Variants in ADAMTSL3 observed in about 807,000 individuals in gnomAD.
ADAMTSL3 encodes ADAMTS like 3.
A neutral mutation model predicts 201.7 loss-of-function variants in ADAMTSL3; 128 were observed. That is an observed-to-expected ratio of 0.63 (90% CI 0.55 to 0.73). ADAMTSL3 has a LOEUF of 0.73. Ranked by LOEUF, ADAMTSL3 falls within the 30% of genes least tolerant of loss-of-function variation. The probability of loss-of-function intolerance (pLI) is 0.00; values close to 1 mark genes in which losing one functional copy is unlikely to be tolerated. For missense variants in ADAMTSL3, 1,990 were observed against 2,119.6 expected (o/e 0.94, Z 1.20); for synonymous variants, 738 against 748.4 (o/e 0.99, Z 0.23).
chr15:83,890,201 C>G lies in ADAMTSL3; in HGVS notation c.1165C>G (p.Pro389Ala). The G allele has an allele frequency of 3.7e-6, 6 of 1,613,976 alleles. No homozygotes were observed. The highest frequency in any genetic ancestry group is 5.1e-6 in the Non-Finnish European group (6 of 1,179,898). ...TCACTACTACCCTGAAAATGTAAAA[C>G]CAAAACCAAAACTGAAGGAATGCAG... ...YCHYYPENVK[P>A]KPKLKECSMD... Residue 389 changes from proline to alanine, a missense_variant, in exon 11 of 30, where the codon CCA becomes GCA. Pro to Ala is a conservative substitution (Grantham distance 27). Transcript: ENST00000286744.
chr15:83,929,698 A>ACG (rs1464384802), intron 17 of ADAMTSL3, among the ~76,000 whole-genome samples: 1 of 150,524 alleles, frequency 6.6e-6, no homozygotes, highest in African/African-American at 2.5e-5. Flanking sequence ...ACACACACAC[A>ACG]CAGAGAGAGA....
At chr15:83,950,498 G>T (rs2066737392) in intron 19 of ADAMTSL3, among the ~76,000 whole-genome samples, 1 of 151,840 alleles carries the variant, frequency 6.6e-6, no homozygotes, top group African/African-American at 2.4e-5. Context: ...TGGGTCTTTT[G>T]TTGTTCTTTA....
At chr15:83,989,073 G>A (rs959487582) in intron 22 of ADAMTSL3, among the ~76,000 whole-genome samples, 3 of 151,744 alleles carry the variant, frequency 2.0e-5, no homozygotes, top group African/African-American at 7.3e-5. Context: ...TAGTAGAGAC[G>A]GGGTTTCACC....
chr15:83,833,137 A>G (rs2064191536), intron 6 of ADAMTSL3, among the ~76,000 whole-genome samples: 1 of 152,206 alleles, frequency 6.6e-6, no homozygotes, highest in African/African-American at 2.4e-5. Context: ...GTTGATAAGG[A>G]AACTGGAAAT....
In ADAMTSL3 at chr15:83,739,512, A is replaced by G. The variant is rs527932242; in HGVS notation, c.190-34011A>G. 9.9e-4 allele frequency among the ~76,000 whole-genome samples: 151 copies of G among 151,790 alleles called. 1 individual carries two copies. The highest frequency in any genetic ancestry group is 2.0e-3 in the Non-Finnish European group (133 of 67,972). The stretch of plus-strand genomic sequence containing the variant: ...TTCAGCCTATGTTTATAAGATATAC[A>G]TGAAACATAAATGAATTTCATGTTT... On this transcript the variant is annotated intron_variant, in intron 3 of 29. Coordinates refer to ENST00000286744, the MANE Select transcript of ADAMTSL3 (RefSeq NM_207517.3).
intron 3 of ADAMTSL3, among the ~76,000 whole-genome samples, chr15:83,718,874 C>T (rs945123613): frequency 1.3e-5 from 2 of 152,104 alleles, no homozygotes; most frequent in South Asian, 4.2e-4. Context: ...AAGGAAAAAA[C>T]CCAAATATTC....
intron 3 of ADAMTSL3, among the ~76,000 whole-genome samples, chr15:83,769,600 A>C (rs1394005607): frequency 2.0e-5 from 3 of 152,166 alleles, no homozygotes; most frequent in African/African-American, 7.2e-5. Context: ...TGTTACTGAA[A>C]TATTGCCTCT....
intron 23 of ADAMTSL3, among the ~76,000 whole-genome samples, chr15:84,010,108 G>A (rs1317482215): frequency 6.6e-6 from 1 of 152,216 alleles, no homozygotes; most frequent in Non-Finnish European, 1.5e-5. Flanking sequence ...GAAATGTTCA[G>A]TCATTTAAGC....
At chr15:83,834,148 T>C (rs890819270) in intron 6 of ADAMTSL3, among the ~76,000 whole-genome samples, 1 of 152,222 alleles carries the variant, frequency 6.6e-6, no homozygotes, top group African/African-American at 2.4e-5. Flanking sequence ...TTAGAACGTC[T>C]CGGAGACTCA....
chr15:83,772,902 G>A (rs976409028), intron 3 of ADAMTSL3, among the ~76,000 whole-genome samples: 6 of 151,926 alleles, frequency 3.9e-5, no homozygotes, highest in African/African-American at 1.2e-4. Flanking sequence ...CGTGGTTTAG[G>A]CTCAAGCAGG....
At chr15:83,903,917 CAAAAAAAAAA>C (rs1168502648) in intron 15 of ADAMTSL3, among the ~76,000 whole-genome samples, 224 of 19,290 alleles carry the variant, frequency 0.012, 10 homozygotes, top group South Asian at 0.042. Flanking sequence ...GACTCCACAT[CAAAAAAAAAA>C]AAAAAAAAAA....
At position 83,801,651 on chromosome 15, in the gene ADAMTSL3, AATATATATAT is replaced by A. The variant is rs68098545; in HGVS notation, c.318-2964_318-2955del. 6.4e-4 allele frequency among the ~76,000 whole-genome samples: 20 copies of A among 31,276 alleles called. 1 individual carries two copies. The highest frequency in any genetic ancestry group is 8.7e-4 in the Non-Finnish European group (13 of 14,978). The allele number at this position is 31,276 out of a possible 152,430, so 20.5% of individuals were successfully genotyped here. The stretch of plus-strand genomic sequence containing the variant: ...TTATATATATAAATATATAAATATA[AATATATATAT>A]ATATATATATATATATATATATATA... On this transcript the variant is annotated intron_variant, in intron 4 of 29. Coordinates refer to ENST00000286744, the MANE Select transcript of ADAMTSL3 (RefSeq NM_207517.3).
chr15:84,032,739 C>T (rs1038063623), intron 28 of ADAMTSL3, among the ~76,000 whole-genome samples: 12 of 152,100 alleles, frequency 7.9e-5, no homozygotes, highest in Non-Finnish European at 1.6e-4. Context: ...ACTTAATATT[C>T]TGTTGCTAAT....
At chr15:83,713,133 G>A (rs1042284787) in intron 3 of ADAMTSL3, among the ~76,000 whole-genome samples, 1 of 152,094 alleles carries the variant, frequency 6.6e-6, no homozygotes, top group Non-Finnish European at 1.5e-5. Context: ...CTAGCCTAGT[G>A]GAACTTTCTA....
At chr15:83,887,699 C>T (rs767892242) in intron 10 of ADAMTSL3, among the ~76,000 whole-genome samples, 5 of 152,188 alleles carry the variant, frequency 3.3e-5, no homozygotes, top group Non-Finnish European at 5.9e-5. Context: ...AAGCGATCCT[C>T]CAGCCTCAGC....
At chr15:83,924,806 C>T (rs952099810) in intron 17 of ADAMTSL3, among the ~76,000 whole-genome samples, 4 of 152,130 alleles carry the variant, frequency 2.6e-5, no homozygotes, top group Non-Finnish European at 5.9e-5. Flanking sequence ...CCCTTATTAT[C>T]TTGTGACCCC....
intron 7 of ADAMTSL3, among the ~76,000 whole-genome samples, chr15:83,856,956 T>C (rs374685783): frequency 5.9e-5 from 9 of 152,136 alleles, no homozygotes; most frequent in African/African-American, 2.2e-4. Flanking sequence ...TTTCGCCACA[T>C]CCTCACCAAT....
At chr15:83,766,333 C>T (rs2062889700) in intron 3 of ADAMTSL3, among the ~76,000 whole-genome samples, 2 of 152,132 alleles carry the variant, frequency 1.3e-5, no homozygotes, top group South Asian at 2.1e-4. Flanking sequence ...ACTTAGCAAG[C>T]TCTTGGTATA....
intron 2 of ADAMTSL3, among the ~76,000 whole-genome samples, chr15:83,682,620 G>T (rs1169944766): frequency 6.6e-6 from 1 of 152,164 alleles, no homozygotes; most frequent in Non-Finnish European, 1.5e-5. Flanking sequence ...TGTCTCATGG[G>T]AGAACATTGG....
Sources: allele counts gnomAD v4.1 joint callset (sites outside exome capture counted in the v4.1 genomes callset), GRCh38; gene constraint gnomAD v4.1.1; transcripts MANE v1.5; gene names NCBI Gene and HGNC (gene_info 2026-07-23, HGNC 2026-07-21).